The following SDK1 variants were observed in gnomAD, a reference collection of about 807,000 sequenced individuals.
The protein encoded by SDK1 is protein sidekick-1.
A neutral mutation model predicts 245.5 loss-of-function variants in SDK1; 157 were observed. The ratio of observed to expected loss-of-function variants is 0.64; its 90% CI spans 0.56 to 0.73. The LOEUF (loss-of-function observed/expected upper bound fraction) is 0.73, where lower values mean the gene tolerates loss of function less well. SDK1 is among the 30% of genes least tolerant of loss of function. SDK1 has a pLI of 0.00. For missense variants in SDK1, 3,583 were observed against 3,002.3 expected (o/e 1.19, Z -4.52); for synonymous variants, 1,647 against 1,278.5 (o/e 1.29, Z -6.15).
chr7:3,476,698 C>T (rs979886062), intron 1 of SDK1, among the ~76,000 whole-genome samples: 2 of 152,112 alleles, frequency 1.3e-5, no homozygotes, highest in Non-Finnish European at 2.9e-5. Flanking sequence ...GTGAACTTTT[C>T]CAACCTCGAA....
intron 5 of SDK1, among the ~76,000 whole-genome samples, chr7:3,920,184 C>G (rs1345932078): frequency 6.6e-6 from 1 of 152,184 alleles, no homozygotes; most frequent in East Asian, 1.9e-4. Flanking sequence ...AGGGGAAGAT[C>G]ACGCTGTGCA....
chr7:3,962,960 C>A lies in SDK1; in HGVS notation c.1429+109C>A, dbSNP rs1412422832. On this transcript the variant is annotated intron_variant, in intron 9 of 44. Coordinates refer to ENST00000404826, the MANE Select transcript of SDK1 (RefSeq NM_152744.4). The stretch of plus-strand genomic sequence containing the variant: ...GTGGGTACACCCAGGCTCACAGCTA[C>A]CTGACCTGGACGTATCCAGTGAGTA... The A allele has an allele frequency of 3.3e-5, 17 of 512,552 alleles. No homozygotes were observed. The African/African-American group carries it at 4.4e-4, about 13-fold the overall frequency. The allele number at this position is 512,552 out of a possible 1,614,324, so 31.8% of individuals were successfully genotyped here.
intron 20 of SDK1, among the ~76,000 whole-genome samples, chr7:4,069,420 C>G (rs930224270): frequency 6.6e-6 from 1 of 152,256 alleles, no homozygotes; most frequent in Non-Finnish European, 1.5e-5. Flanking sequence ...TGTGGCATCT[C>G]ATGTCCCGGC....
chr7:4,097,162 C>T (rs992472416), intron 22 of SDK1, among the ~76,000 whole-genome samples: 33 of 152,272 alleles, frequency 2.2e-4, no homozygotes, highest in African/African-American at 8.0e-4. Context: ...GAGGCATTGG[C>T]CTGTTCCTGC....
intron 22 of SDK1, among the ~76,000 whole-genome samples, chr7:4,109,940 C>G (rs1409871571): frequency 6.6e-6 from 1 of 152,140 alleles, no homozygotes; most frequent in Non-Finnish European, 1.5e-5. Flanking sequence ...GGGGCAGGAG[C>G]AAAGACTCGG....
At chr7:3,493,150 A>C (rs1781915421) in intron 1 of SDK1, among the ~76,000 whole-genome samples, 1 of 152,074 alleles carries the variant, frequency 6.6e-6, no homozygotes, top group Non-Finnish European at 1.5e-5. Flanking sequence ...ACGGAGTTTC[A>C]CCGTGTTAGC....
intron 1 of SDK1, among the ~76,000 whole-genome samples, chr7:3,471,860 A>T (rs1047051419): frequency 6.6e-6 from 1 of 152,214 alleles, no homozygotes; most frequent in African/African-American, 2.4e-5. Context: ...ATTGAACTTC[A>T]ATGTTCTCTG....
chr7:3,336,168 G>C (rs1780194253), intron 1 of SDK1, among the ~76,000 whole-genome samples: 1 of 152,200 alleles, frequency 6.6e-6, no homozygotes, highest in Admixed American at 6.5e-5. Context: ...CTCTGCTCCA[G>C]CTAAACCAAG....
intron 4 of SDK1, among the ~76,000 whole-genome samples, chr7:3,650,806 A>C (rs1384154700): frequency 6.7e-6 from 1 of 148,230 alleles, no homozygotes; most frequent in Non-Finnish European, 1.5e-5. Context: ...ATCATGCAGT[A>C]TGTGACCTGT....
intron 4 of SDK1, among the ~76,000 whole-genome samples, chr7:3,748,990 C>G (rs931137077): frequency 1.3e-5 from 2 of 152,150 alleles, no homozygotes; most frequent in African/African-American, 4.8e-5. Flanking sequence ...AATCAACCAA[C>G]CAACCAACCC....
chr7:4,135,377 C>T (rs750307131), intron 28 of SDK1, among the ~76,000 whole-genome samples: 2 of 152,196 alleles, frequency 1.3e-5, no homozygotes, highest in African/African-American at 2.4e-5. Flanking sequence ...GCACCCCAGA[C>T]GCTCTGCACT....
chr7:4,071,076 A>G lies in SDK1; in HGVS notation c.3010+3140A>G, dbSNP rs1780228738. ...AGTGTCTCTCTGTCACCCAGGTTGG[A>G]GTGCAGTGGTGTGATCTTGGCTCAC... On this transcript the variant is annotated intron_variant, in intron 20 of 44. Transcript: ENST00000404826. Among the ~76,000 whole-genome samples, 3 of 151,840 alleles carry G rather than the reference A, an allele frequency of 2.0e-5. No individual in the cohort carries two copies. The South Asian group carries it at 6.3e-4, about 32-fold the overall frequency.
intron 5 of SDK1, among the ~76,000 whole-genome samples, chr7:3,827,811 A>C (rs1191554857): frequency 6.6e-6 from 1 of 152,122 alleles, no homozygotes; most frequent in Non-Finnish European, 1.5e-5. Flanking sequence ...ATTGAGCCAC[A>C]AGATGGAAGC....
chr7:3,988,034 C>T (rs1334536284), intron 14 of SDK1, among the ~76,000 whole-genome samples: 2 of 151,922 alleles, frequency 1.3e-5, no homozygotes, highest in South Asian at 2.1e-4. Flanking sequence ...ACCCAGGATT[C>T]CAGGATCACT....
chr7:3,741,868 T>A (rs1332358191), intron 4 of SDK1, among the ~76,000 whole-genome samples: 1 of 151,930 alleles, frequency 6.6e-6, no homozygotes, highest in African/African-American at 2.4e-5. Flanking sequence ...GGACCTATCT[T>A]TGGATGCTCA....
intron 14 of SDK1, among the ~76,000 whole-genome samples, chr7:3,994,582 C>A (rs1784563153): frequency 6.7e-6 from 1 of 148,622 alleles, no homozygotes; most frequent in Non-Finnish European, 1.5e-5. Context: ...TTCAAGGCTG[C>A]AGTGAGCCGC....
intron 4 of SDK1, among the ~76,000 whole-genome samples, chr7:3,720,992 C>T (rs953952361): frequency 6.6e-6 from 1 of 152,168 alleles, no homozygotes; most frequent in Non-Finnish European, 1.5e-5. Context: ...AAGCCAATCT[C>T]AAATGGTCAC....
At chr7:3,579,303 C>T (rs181342230) in intron 1 of SDK1, among the ~76,000 whole-genome samples, 1 of 152,114 alleles carries the variant, frequency 6.6e-6, no homozygotes, top group South Asian at 2.1e-4. Flanking sequence ...CAAACCAAGT[C>T]CAGCAGCACA....
At chr7:3,484,721 G>A (rs1238863882) in intron 1 of SDK1, among the ~76,000 whole-genome samples, 1 of 152,034 alleles carries the variant, frequency 6.6e-6, no homozygotes, top group East Asian at 1.9e-4. Context: ...CCACAAGATC[G>A]GTTTTTTTTA....
Sources: allele counts gnomAD v4.1 joint callset (sites outside exome capture counted in the v4.1 genomes callset), GRCh38; gene constraint gnomAD v4.1.1; transcripts MANE v1.5; gene names NCBI Gene and HGNC (gene_info 2026-07-23, HGNC 2026-07-21).